The following SLC43A2 variants were observed in gnomAD, a reference collection of about 807,000 sequenced individuals.
SLC43A2 encodes the protein large neutral amino acids transporter small subunit 4.
SLC43A2 carries 38 observed loss-of-function variants against 63.2 expected under a neutral mutation model. The observed-to-expected ratio is 0.60, with a 90% CI of 0.46 to 0.79. SLC43A2 has a LOEUF of 0.79. Ranked by LOEUF, SLC43A2 falls within the 30% of genes least tolerant of loss-of-function variation. The pLI, the probability that SLC43A2 is intolerant of heterozygous loss-of-function variation, is 0.00. For missense variants in SLC43A2, 644 were observed against 756.2 expected (o/e 0.85, Z 1.74); for synonymous variants, 322 against 331.0 (o/e 0.97, Z 0.30).
At position 1,583,904 on chromosome 17, in the gene SLC43A2, G is replaced by GTT. The variant is rs201346986; in HGVS notation, c.1218-570_1218-569dup. On this transcript the variant is annotated intron_variant, in intron 10 of 13. Transcript: ENST00000301335. This position sits in a 1 kb window ranked among gnomAD's most constrained non-coding sequence, Gnocchi z 5.5. The stretch of plus-strand genomic sequence containing the variant: ...TTTGTTTTGTTTTTTTGTTCTTTGG[G>GTT]TTTTTTTTTGAGATGGAGTCTCGCT... Among the ~76,000 whole-genome samples, 1 of 150,804 alleles carries GTT rather than the reference G, an allele frequency of 6.6e-6. No individual in the cohort carries two copies. The highest frequency in any genetic ancestry group is 6.6e-5 in the Admixed American group (1 of 15,088).
chr17:1,583,028 G>A lies in SLC43A2; in HGVS notation c.1350+176C>T, dbSNP rs922921462. 4.0e-5 allele frequency among the ~76,000 whole-genome samples: 6 copies of A among 151,880 alleles called. No individual in the cohort carries two copies. Among genetic ancestry groups the A allele is most frequent in the Non-Finnish European group, 7.4e-5 (5 of 67,954 alleles). On this transcript the variant is annotated intron_variant, in intron 11 of 13. Coordinates refer to ENST00000301335, the MANE Select transcript of SLC43A2 (RefSeq NM_152346.3). The surrounding 1 kb of genome is among the most constrained non-coding windows in gnomAD (Gnocchi z 5.5). ...CAGGAGGCTGAGGTTGCAGTGAGCCGAGATCACACCACTGCACTCCAGCCT... is the reference window on the plus strand; with the variant it reads ...CAGGAGGCTGAGGTTGCAGTGAGCCAAGATCACACCACTGCACTCCAGCCT...
intron 9 of SLC43A2, 82 bp from the exon 10 acceptor site, chr17:1,586,133 G>T: frequency 6.7e-7 from 1 of 1,486,630 alleles, no homozygotes; most frequent in South Asian, 1.3e-5. Flanking sequence ...GGAAGGGGCT[G>T]GTCCCCACAG....
In SLC43A2 at chr17:1,605,229, T is replaced by C; in HGVS notation, c.501+7966A>G. The C allele has an allele frequency of 1.9e-6, 2 of 1,080,222 alleles. No individual in the cohort carries two copies. The highest frequency in any genetic ancestry group is 1.7e-5 in the African/African-American group (1 of 60,080). The allele number at this position is 1,080,222 out of a possible 1,614,324, so 66.9% of individuals were successfully genotyped here. A position where few individuals can be genotyped will look rare whatever the true frequency, so the allele number is the denominator to read the frequency against. On this transcript the variant is annotated intron_variant, in intron 5 of 13. Coordinates refer to ENST00000301335, the MANE Select transcript of SLC43A2 (RefSeq NM_152346.3). This position sits in a 1 kb window ranked among gnomAD's most constrained non-coding sequence, Gnocchi z 4.9. ...AGCCTCAGTCACACAGGGAAGCCCGTGACTCTCTCTCTTTCAGCCCCCTGG... is the reference window on the plus strand; with the variant it reads ...AGCCTCAGTCACACAGGGAAGCCCGCGACTCTCTCTCTTTCAGCCCCCTGG...
intron 4 of SLC43A2, 137 bp downstream of exon 4, chr17:1,614,842 G>C: frequency 1.2e-6 from 1 of 815,358 alleles, no homozygotes; most frequent in Non-Finnish European, 2.0e-6. Flanking sequence ...ACTGAGTAGA[G>C]GCGTAACAGG....
intron 9 of SLC43A2, among the ~76,000 whole-genome samples, chr17:1,587,884 C>G (rs1904365748): frequency 6.6e-6 from 1 of 152,218 alleles, no homozygotes; most frequent in Non-Finnish European, 1.5e-5. Context: ...ACCCATCTGG[C>G]CAGCCACAGC....
Position 1,590,952 on chromosome 17 carries a change from C to T in SLC43A2, c.932-4G>A, listed in dbSNP as rs2151044171. ...CTGTGCATGAAGGAGGGGGCCACTG[C>T]AGGGAGAGGGTGCGGGGCTCAGGGC... On this transcript the variant is annotated splice_polypyrimidine_tract_variant and splice_region_variant and intron_variant, in intron 8 of 13. Coordinates refer to ENST00000301335, the MANE Select transcript of SLC43A2 (RefSeq NM_152346.3). 1 of 1,549,594 alleles carries T rather than the reference C, an allele frequency of 6.5e-7. No homozygotes were observed. The highest frequency in any genetic ancestry group is 1.2e-5 in the South Asian group (1 of 84,000).
chr17:1,614,909 T>G (rs1054635841), intron 4 of SLC43A2, 70 bp downstream of exon 4: 2 of 1,515,986 alleles, frequency 1.3e-6, no homozygotes, highest in East Asian at 4.6e-5. Flanking sequence ...CAAGAGCAGG[T>G]GGGCCTGGGA....
chr17:1,593,589 A>G lies in SLC43A2; in HGVS notation c.502-310T>C, dbSNP rs903885567. Among the ~76,000 whole-genome samples the G allele has an allele frequency of 1.3e-5, 2 of 152,120 alleles. No homozygotes were observed. The highest frequency in any genetic ancestry group is 3.8e-4 in the East Asian group (2 of 5,200). ...AGCCTTCTTGTCTTTTCAGGGTAAC[A>G]CTGAGATGCCAGAGAACAAAGTTAT... is the stretch of plus-strand genomic sequence containing the variant. On this transcript the variant is annotated intron_variant, in intron 5 of 13. Transcript: ENST00000301335. The surrounding 1 kb of genome is among the most constrained non-coding windows in gnomAD (Gnocchi z 5.3).
At chr17:1,628,021 T>G in intron 1 of SLC43A2, 101 bp from the exon 2 acceptor site, 1 of 1,142,884 alleles carries the variant, frequency 8.7e-7, no homozygotes, top group Non-Finnish European at 1.1e-6. Context: ...TTGCCACCCC[T>G]CCCCGGCCGC....
chr17:1,616,256 G>A (rs980803961), intron 3 of SLC43A2: 4 of 372,438 alleles, frequency 1.1e-5, no homozygotes, highest in African/African-American at 2.1e-5. Flanking sequence ...ACACATGCGA[G>A]GGAAACCCCA....
rs3180367 is a variant in SLC43A2 at position 1,574,404 on chromosome 17, A to T, written c.*1200T>A. The T allele has an allele frequency of 6.5e-6, 1 of 152,776 alleles. No homozygotes were observed. Among genetic ancestry groups the T allele is most frequent in the South Asian group, 2.1e-4 (1 of 4,836 alleles). 9.5% of individuals were successfully genotyped at this position (152,776 alleles called of 1,614,324 possible). A position where few individuals can be genotyped will look rare whatever the true frequency, so the allele number is the denominator to read the frequency against. On this transcript the variant is annotated 3_prime_UTR_variant, in exon 14 of 14. Transcript: ENST00000301335. ...TGATATGCCAGAAGGGGCATCCCTT[A>T]CCCGGAGGAAAATGGATTTATTGCT...
At position 1,583,165 on chromosome 17, in the gene SLC43A2, C is replaced by G. The variant is rs746011513; in HGVS notation, c.1350+39G>C. ...AGTCTTTACATGTTCCTTCTGACTG[C>G]CCCACCTCCCACCTGCCCCTCCCAC... On this transcript the variant is annotated intron_variant, in intron 11 of 13. Transcript: ENST00000301335. The surrounding 1 kb of genome is among the most constrained non-coding windows in gnomAD (Gnocchi z 5.5). The G allele has an allele frequency of 3.7e-6, 6 of 1,601,540 alleles. No homozygotes were observed. The African/African-American group carries it at 8.0e-5, about 21-fold the overall frequency.
intron 6 of SLC43A2, among the ~76,000 whole-genome samples, chr17:1,592,549 G>A (rs562401861): frequency 6.6e-6 from 1 of 152,296 alleles, no homozygotes; most frequent in South Asian, 2.1e-4. Flanking sequence ...CAATGCCCAG[G>A]TGGCCAGCCC....
upstream of SLC43A2, among the ~76,000 whole-genome samples, chr17:1,629,040 C>T (rs895423344): frequency 3.3e-5 from 5 of 152,138 alleles, no homozygotes; most frequent in African/African-American, 1.2e-4. Context: ...GCGCTGCGGG[C>T]CGGGCCTCGG....
chr17:1,591,739 G>GCGGGCC, intron 6 of SLC43A2, 40 bp from the exon 7 acceptor site: 4 of 512,300 alleles, frequency 7.8e-6, no homozygotes, highest in Non-Finnish European at 1.2e-5. Context: ...GGGGGAGGGG[G>GCGGGCC]CAGAGTTAGC....
intron 8 of SLC43A2, 88 bp from the exon 9 acceptor site, chr17:1,591,036 G>A: frequency 6.9e-7 from 1 of 1,440,390 alleles, no homozygotes; most frequent in South Asian, 1.3e-5. Context: ...CTGGAGGCCA[G>A]GAGGGGGCCC....
At chr17:1,604,007 T>G (rs2151062972) in intron 5 of SLC43A2, among the ~76,000 whole-genome samples, 1 of 152,294 alleles carries the variant, frequency 6.6e-6, no homozygotes, top group South Asian at 2.1e-4. Context: ...AGATCCAATC[T>G]GCGCCCTTCA....
At chr17:1,619,065 G>A (rs552639438) in intron 2 of SLC43A2, among the ~76,000 whole-genome samples, 2 of 151,902 alleles carry the variant, frequency 1.3e-5, no homozygotes, top group South Asian at 4.2e-4. Flanking sequence ...AGCCCTTCGG[G>A]AGGCCAAGGT....
At position 1,616,586 on chromosome 17, in the gene SLC43A2, G is replaced by T; in HGVS notation, c.344C>A (p.Pro115Gln). 6.2e-7 allele frequency: 1 copy of T among 1,613,218 alleles called. No individual in the cohort carries two copies. The highest frequency in any genetic ancestry group is 1.1e-5 in the South Asian group (1 of 90,904). ...PLGIVMDKYG[P>Q]RKLRLLGSAC... ...CCTGCCCAGCAGCCTGAGCTTCCTC[G>T]GGCCATACTTGTCCATGACGATACC... The change falls in exon 3 of 14, where the codon CCG becomes CAG. Residue 115 changes from proline (P) to glutamine (Q), a missense_variant. Physicochemically the swap from Pro to Gln is moderately conservative, Grantham distance 76. Coordinates refer to ENST00000301335, the MANE Select transcript of SLC43A2 (RefSeq NM_152346.3).
Sources: gnomAD v4.1 joint callset for allele counts (sites outside exome capture counted in the v4.1 genomes callset) on GRCh38, gnomAD v4.1.1 for gene constraint, Gnocchi (gnomAD v3.1) non-coding constraint, MANE v1.5 for transcripts, NCBI Gene and HGNC (gene_info 2026-07-23, HGNC 2026-07-21) for gene names.